The following CFAP61 variants were observed in gnomAD, a reference collection of about 807,000 sequenced individuals.
CFAP61 encodes the protein cilia- and flagella-associated protein 61.
In CFAP61, 107 loss-of-function variants were observed where a neutral mutation model predicts 135.6. That is an observed-to-expected ratio of 0.79 (90% CI 0.67 to 0.93). The LOEUF (loss-of-function observed/expected upper bound fraction) is 0.93. Among genes scored for constraint, CFAP61 ranks in the 40% least tolerant of loss-of-function variants. CFAP61 has a pLI of 0.00. For synonymous variants in CFAP61, 575 were observed against 578.5 expected, an observed-to-expected ratio of 0.99 and a Z score of 0.09; for missense variants, 1,507 against 1,556.2, an observed-to-expected ratio of 0.97 and a Z score of 0.53.
intron 8 of CFAP61, among the ~76,000 whole-genome samples, chr20:20,134,221 G>A (rs1288941650): frequency 6.6e-6 from 1 of 152,178 alleles, no homozygotes; most frequent in Non-Finnish European, 1.5e-5. Flanking sequence ...AGACCTCAAA[G>A]CTTTTGAGTA....
At chr20:20,204,603 C>T (rs1006549311) in intron 17 of CFAP61, among the ~76,000 whole-genome samples, 14 of 152,186 alleles carry the variant, frequency 9.2e-5, no homozygotes, top group African/African-American at 3.1e-4. Flanking sequence ...TAGATTTTCC[C>T]CAGCTTTATT....
At chr20:20,342,005 C>A in intron 26 of CFAP61, 84 bp downstream of exon 26, 3 of 891,388 alleles carry the variant, frequency 3.4e-6, no homozygotes, top group Admixed American at 2.5e-5. Flanking sequence ...CTTTTCCCTA[C>A]ATTCCCATTT....
At chr20:20,073,897 GAGC>G in intron 3 of CFAP61, 1 of 178,192 alleles carries the variant, frequency 5.6e-6, no homozygotes, top group Non-Finnish European at 1.2e-5. Context: ...CACATGAATA[GAGC>G]AGCAGCTGCT....
intron 9 of CFAP61, among the ~76,000 whole-genome samples, chr20:20,150,931 A>T (rs368758411): frequency 6.6e-6 from 1 of 152,178 alleles, no homozygotes; most frequent in African/African-American, 2.4e-5. Flanking sequence ...AGATTTTTCC[A>T]CTGACATAGT....
intron 2 of CFAP61, among the ~76,000 whole-genome samples, chr20:20,061,912 G>A (rs904553678): frequency 6.6e-6 from 1 of 152,128 alleles, no homozygotes; most frequent in Non-Finnish European, 1.5e-5. Context: ...TCCCAGCTAG[G>A]GCCCCTGCAT....
At chr20:20,200,066 C>T (rs1038509855) in intron 17 of CFAP61, among the ~76,000 whole-genome samples, 164 bp downstream of exon 17, 4 of 152,188 alleles carry the variant, frequency 2.6e-5, no homozygotes, top group Non-Finnish European at 5.9e-5. Flanking sequence ...CCCTGCAGCC[C>T]TTTCCCTCAA....
rs374814198 is a variant in CFAP61 at position 20,328,927 on chromosome 20, G to A, written c.3423-12904G>A. Reference sequence around the variant, plus strand: ...GGAGGTTGGGCACCAGCCCAAATCCGGTCTCAAGATCCTCTCAACTCCTTC... The same window carrying A: ...GGAGGTTGGGCACCAGCCCAAATCCAGTCTCAAGATCCTCTCAACTCCTTC... On this transcript the variant is annotated intron_variant, in intron 25 of 26. Transcript: ENST00000245957. 2.8e-4 allele frequency among the ~76,000 whole-genome samples: 42 copies of A among 152,118 alleles called. 1 individual carries two copies. The highest frequency in any genetic ancestry group is 4.6e-4 in the Admixed American group (7 of 15,276).
intron 21 of CFAP61, 65 bp downstream of exon 21, chr20:20,263,195 C>T: frequency 8.4e-7 from 1 of 1,195,696 alleles, no homozygotes. Context: ...GAGTCTCATT[C>T]TTCATCTAGT....
chr20:20,163,945 C>G (rs189770476), intron 10 of CFAP61, 105 bp from the exon 11 acceptor site: 11 of 892,198 alleles, frequency 1.2e-5, no homozygotes, highest in Non-Finnish European at 1.1e-5. Context: ...GACAGTCACA[C>G]CTGTCCTCAG....
intron 25 of CFAP61, among the ~76,000 whole-genome samples, chr20:20,332,231 G>T (rs1444681519): frequency 1.3e-5 from 2 of 152,216 alleles, no homozygotes; most frequent in Non-Finnish European, 2.9e-5. Context: ...GTGTGTGAAT[G>T]ACCCGCGGCT....
intron 6 of CFAP61, chr20:20,085,355 GTCAT>G: frequency 7.7e-7 from 1 of 1,302,120 alleles, no homozygotes. Context: ...TGAGGCTGAT[GTCAT>G]ACTTTATCAT....
chr20:20,054,414 T>TATAC (rs1555826447), intron 1 of CFAP61, among the ~76,000 whole-genome samples: 5 of 151,478 alleles, frequency 3.3e-5, no homozygotes, highest in South Asian at 4.2e-4. Context: ...TATATATATA[T>TATAC]ACACACACAC....
At chr20:20,055,974 G>A (rs2044297109) in intron 1 of CFAP61, 2 of 1,610,958 alleles carry the variant, frequency 1.2e-6, no homozygotes, top group South Asian at 1.1e-5. Flanking sequence ...ATTTCCCAAA[G>A]TGTCCTTCTG....
At chr20:20,186,199 A>G (rs747618467) in intron 13 of CFAP61, among the ~76,000 whole-genome samples, 1 of 152,148 alleles carries the variant, frequency 6.6e-6, no homozygotes, top group Non-Finnish European at 1.5e-5. Flanking sequence ...CTCAGCCCCC[A>G]ACAATCACTA....
At chr20:20,148,235 G>A (rs909277808) in intron 9 of CFAP61, among the ~76,000 whole-genome samples, 10 of 152,132 alleles carry the variant, frequency 6.6e-5, no homozygotes, top group African/African-American at 2.4e-4. Context: ...GGCTATGCAG[G>A]CTCTTTTATG....
chr20:20,137,526 C>A (rs2051030477), intron 8 of CFAP61, among the ~76,000 whole-genome samples: 1 of 152,192 alleles, frequency 6.6e-6, no homozygotes, highest in Non-Finnish European at 1.5e-5. Context: ...CCATGTCCAC[C>A]ACCACCACAG....
At chr20:20,053,310 T>A (rs1056734801) in intron 1 of CFAP61, among the ~76,000 whole-genome samples, 1 of 152,228 alleles carries the variant, frequency 6.6e-6, no homozygotes, top group Non-Finnish European at 1.5e-5. Context: ...ATTTCCTCCC[T>A]CCACAGCTTC....
chr20:20,169,489 C>T, intron 13 of CFAP61, 29 bp downstream of exon 13: 1 of 1,547,748 alleles, frequency 6.5e-7, no homozygotes, highest in Non-Finnish European at 8.8e-7. Flanking sequence ...GGCCACACAA[C>T]AATCCATGAA....
intron 22 of CFAP61, among the ~76,000 whole-genome samples, chr20:20,284,595 T>C (rs1192791771): frequency 6.6e-6 from 1 of 152,220 alleles, no homozygotes; most frequent in African/African-American, 2.4e-5. Context: ...TTCAATTGGC[T>C]TTTTAACTAT....
Sources: gnomAD v4.1 joint callset for allele counts (sites outside exome capture counted in the v4.1 genomes callset) on GRCh38, gnomAD v4.1.1 for gene constraint, MANE v1.5 for transcripts, NCBI Gene and HGNC (gene_info 2026-07-23, HGNC 2026-07-21) for gene names.